Variants in TNRC6C observed in about 807,000 individuals in gnomAD.
TNRC6C encodes trinucleotide repeat-containing gene 6C protein.
Under a neutral mutation model 153.7 loss-of-function variants are expected in TNRC6C, and 20 were observed. The ratio of observed to expected loss-of-function variants is 0.13; its 90% CI spans 0.09 to 0.19. The LOEUF is 0.19. Ranked by LOEUF, TNRC6C falls within the 10% of genes least tolerant of loss-of-function variation. The probability of loss-of-function intolerance (pLI) is 1.00; values close to 1 mark genes in which losing one functional copy is unlikely to be tolerated. For missense variants in TNRC6C, 1,987 were observed against 2,172.0 expected (o/e 0.91, Z 1.69); for synonymous variants, 811 against 841.4 (o/e 0.96, Z 0.63).
chr17:78,058,847 A>C (rs2072709224), intron 3 of TNRC6C, among the ~76,000 whole-genome samples: 1 of 152,192 alleles, frequency 6.6e-6, no homozygotes, highest in African/African-American at 2.4e-5. Context: ...TTTACTTTGC[A>C]TGTGGGTACT....
In TNRC6C at chr17:78,073,018, ACT is replaced by A. The variant is rs1177718861; in HGVS notation, c.2860-16_2860-15del. On this transcript the variant is annotated splice_polypyrimidine_tract_variant and intron_variant, in intron 6 of 19. Transcript: ENST00000301624. ...TGTTAATTAATGTGCACTAATGAAA[ACT>A]CTGTTTTCCTACACAGAGAGAGCCA... 1.3e-6 allele frequency: 2 copies of A among 1,544,058 alleles called. No individual in the cohort carries two copies. Among genetic ancestry groups the A allele is most frequent in the South Asian group, 1.2e-5 (1 of 83,400 alleles).
intron 16 of TNRC6C, among the ~76,000 whole-genome samples, chr17:78,095,168 A>G (rs1446728287): frequency 6.6e-6 from 1 of 152,248 alleles, no homozygotes; most frequent in African/African-American, 2.4e-5. Context: ...TGGTGCCCAG[A>G]TGAAGCATCA....
chr17:78,023,747 A>C lies in TNRC6C; in HGVS notation c.-545-7769A>C, dbSNP rs1272400613. On this transcript the variant is annotated intron_variant, in intron 1 of 19. Coordinates refer to ENST00000301624, the Ensembl canonical transcript of TNRC6C. ...CCTGAGCCCGGAAAGCCAAGGCTAC[A>C]GTGAGCTGTGATCATGCCACTACAC... is the stretch of plus-strand genomic sequence containing the variant. Among the ~76,000 whole-genome samples, 4 of 151,990 alleles carry C rather than the reference A, an allele frequency of 2.6e-5. No individual in the cohort carries two copies. The East Asian group carries it at 7.8e-4, about 30-fold the overall frequency.
At chr17:78,096,456 C>G (rs1256088742) in intron 16 of TNRC6C, among the ~76,000 whole-genome samples, 1 of 152,184 alleles carries the variant, frequency 6.6e-6, no homozygotes, top group Non-Finnish European at 1.5e-5. Context: ...TGCAGATTAC[C>G]CATAAATGTT....
Position 78,079,936 on chromosome 17 carries a change from C to T in TNRC6C, c.3357+395C>T, listed in dbSNP as rs150410384. 5.1e-4 allele frequency among the ~76,000 whole-genome samples: 77 copies of T among 152,256 alleles called. No individual in the cohort carries two copies. The highest frequency in any genetic ancestry group is 2.0e-3 in the Admixed American group (30 of 15,296). On this transcript the variant is annotated intron_variant, in intron 10 of 19. Coordinates refer to ENST00000301624, the Ensembl canonical transcript of TNRC6C. The surrounding 1 kb of genome is among the most constrained non-coding windows in gnomAD (Gnocchi z 4.3). ...AGATTGGTGGGAGAGGAAAGTGACA[C>T]GCTGTAGTATTGCTGAGGATGTAAA...
chr17:77,974,086 G>T (rs762086870), intron 1 of TNRC6C, among the ~76,000 whole-genome samples: 4 of 151,542 alleles, frequency 2.6e-5, no homozygotes, highest in Non-Finnish European at 5.9e-5. Flanking sequence ...GAGAAAGAAA[G>T]AAAAAGAATG....
chr17:78,059,470 CG>C (rs1438171959), intron 3 of TNRC6C, among the ~76,000 whole-genome samples: 1 of 152,092 alleles, frequency 6.6e-6, no homozygotes, highest in Non-Finnish European at 1.5e-5. Flanking sequence ...AAGTCCGTGG[CG>C]TGAGACGTGT....
intron 1 of TNRC6C, among the ~76,000 whole-genome samples, chr17:77,961,622 C>T (rs573915917): frequency 6.6e-6 from 1 of 152,050 alleles, no homozygotes; most frequent in Admixed American, 6.5e-5. Context: ...GTGTTTATTG[C>T]GGGGGGCGAG....
At position 78,025,597 on chromosome 17, in the gene TNRC6C, AAAT is replaced by A. The variant is rs2071927009; in HGVS notation, c.-545-5917_-545-5915del. On this transcript the variant is annotated intron_variant, in intron 1 of 19. Coordinates refer to ENST00000301624, the Ensembl canonical transcript of TNRC6C. ...CGTAAAGTTTTCAACTCATTTGGGTAAATACCTATTAGCTTTTCTGTTATTATA... is the reference window on the plus strand; with the variant it reads ...CGTAAAGTTTTCAACTCATTTGGGTAACCTATTAGCTTTTCTGTTATTATA... 2.0e-5 allele frequency among the ~76,000 whole-genome samples: 3 copies of A among 152,296 alleles called. No homozygotes were observed. In the South Asian group the frequency reaches 6.2e-4, roughly 32 times the overall value.
At chr17:78,031,970 C>G (rs563282637) in intron 2 of TNRC6C, 128 bp downstream of exon 4, 1 of 778,436 alleles carries the variant, frequency 1.3e-6, no homozygotes, top group African/African-American at 1.8e-5. Flanking sequence ...CAGACAAATT[C>G]ATTTCATTTT....
intron 1 of TNRC6C, among the ~76,000 whole-genome samples, chr17:77,978,665 C>T (rs1453635206): frequency 2.6e-5 from 4 of 152,104 alleles, no homozygotes; most frequent in Non-Finnish European, 5.9e-5. Context: ...AGCAGCTAAG[C>T]AGAGTTTTCA....
At chr17:78,000,427 A>G (rs1190123330), upstream of TNRC6C, among the ~76,000 whole-genome samples, 1 of 152,226 alleles carries the variant, frequency 6.6e-6, no homozygotes, top group East Asian at 1.9e-4. Context: ...TGTTGAATAA[A>G]TTAAGACCAT....
chr17:77,996,781 C>T (rs1477689887), intron 1 of TNRC6C, among the ~76,000 whole-genome samples: 1 of 152,172 alleles, frequency 6.6e-6, no homozygotes, highest in East Asian at 1.9e-4. Flanking sequence ...TGAATCTGAG[C>T]ACTGTGGCCC....
At chr17:77,980,538 A>G (rs1284043421) in intron 1 of TNRC6C, among the ~76,000 whole-genome samples, 2 of 152,160 alleles carry the variant, frequency 1.3e-5, no homozygotes, top group African/African-American at 2.4e-5. Context: ...TCACACATCA[A>G]ACAAGCAAGG....
In TNRC6C at chr17:78,079,280, G is replaced by C. The variant is rs986727286; in HGVS notation, c.3211-115G>C. 2.8e-6 allele frequency: 4 copies of C among 1,451,514 alleles called. No individual in the cohort carries two copies. In the African/African-American group the frequency reaches 5.6e-5, roughly 20 times the overall value. 89.9% of individuals were successfully genotyped at this position (1,451,514 alleles called of 1,614,324 possible). A position where few individuals can be genotyped will look rare whatever the true frequency, so the allele number is the denominator to read the frequency against. ...ATTCTCTTGGGTACAAGTTGACAGT[G>C]GTAGGAAGTAGAAACAATTTTGCAT... On this transcript the variant is annotated intron_variant, in intron 9 of 19. Coordinates refer to ENST00000301624, the Ensembl canonical transcript of TNRC6C. The surrounding 1 kb of genome is among the most constrained non-coding windows in gnomAD (Gnocchi z 4.3).
At chr17:77,958,675 C>T (rs1315478388), upstream of TNRC6C, among the ~76,000 whole-genome samples, 3 of 151,762 alleles carry the variant, frequency 2.0e-5, no homozygotes, top group Admixed American at 2.0e-4. Context: ...CCCCGTCTGG[C>T]TGAAGCGGGG....
At chr17:78,064,196 A>G (rs951073996) in intron 3 of TNRC6C, among the ~76,000 whole-genome samples, 1 of 152,204 alleles carries the variant, frequency 6.6e-6, no homozygotes, top group South Asian at 2.1e-4. Context: ...CCCGGGTTCA[A>G]GAGATTCTCC....
rs114767095 is a variant in TNRC6C, at chr17:78,030,575, A to G, written c.-545-941A>G. Among the ~76,000 whole-genome samples, 1,230 of 152,332 alleles carry G rather than the reference A, an allele frequency of 8.1e-3. 19 individuals carry two copies. Among genetic ancestry groups the G allele is most frequent in the African/African-American group, 0.027 (1,139 of 41,576 alleles). ...TATAATCTTACGGAACCACTGTCAT[A>G]TATGAGTCAGTTGTTGACTCAAACG... On this transcript the variant is annotated intron_variant, in intron 1 of 19. Coordinates refer to ENST00000301624, the Ensembl canonical transcript of TNRC6C.
chr17:78,042,552 G>A (rs562476350), intron 2 of TNRC6C, among the ~76,000 whole-genome samples: 7 of 150,346 alleles, frequency 4.7e-5, no homozygotes, highest in African/African-American at 1.7e-4. Flanking sequence ...CTTAAAATTC[G>A]GTCATTTCAC....
Sources: gnomAD v4.1 joint callset for allele counts (sites outside exome capture counted in the v4.1 genomes callset) on GRCh38, gnomAD v4.1.1 for gene constraint, Gnocchi (gnomAD v3.1) non-coding constraint, MANE v1.5 for transcripts, NCBI Gene and HGNC (gene_info 2026-07-23, HGNC 2026-07-21) for gene names.